The following COL26A1 variants were observed in gnomAD, a reference collection of about 807,000 sequenced individuals.
The protein encoded by COL26A1 is collagen type XXVI alpha 1 chain, also known as collagen alpha-1(XXVI) chain.
A neutral mutation model predicts 59.3 loss-of-function variants in COL26A1; 41 were observed. The ratio of observed to expected loss-of-function variants is 0.69; its 90% CI spans 0.54 to 0.90. COL26A1 has a LOEUF of 0.90. Ranked by LOEUF, COL26A1 falls within the 40% of genes least tolerant of loss-of-function variation. COL26A1 has a pLI of 0.00. For missense variants in COL26A1, 612 were observed against 602.3 expected, an observed-to-expected ratio of 1.02 and a Z score of -0.17; for synonymous variants, 266 against 256.0, an observed-to-expected ratio of 1.04 and a Z score of -0.37.
intron 1 of COL26A1, among the ~76,000 whole-genome samples, chr7:101,408,625 T>C (rs1792180054): frequency 6.6e-6 from 1 of 152,208 alleles, no homozygotes; most frequent in East Asian, 1.9e-4. Context: ...TGGCCTTTGA[T>C]TTGTAGAGGC....
chr7:101,515,287 A>ATT (rs34397132), intron 3 of COL26A1, among the ~76,000 whole-genome samples: 18,744 of 149,846 alleles, frequency 0.13, 1,219 homozygotes, highest in Middle Eastern at 0.17. Context: ...ATAAATATTT[A>ATT]TTTTTTTTTT....
chr7:101,366,760 C>T (rs891711664), intron 1 of COL26A1, among the ~76,000 whole-genome samples: 1 of 151,988 alleles, frequency 6.6e-6, no homozygotes, highest in Non-Finnish European at 1.5e-5. Flanking sequence ...TTTGGCCTCC[C>T]GAAGTGTTGG....
intron 2 of COL26A1, among the ~76,000 whole-genome samples, chr7:101,438,097 C>T (rs541258586): frequency 2.0e-5 from 3 of 151,548 alleles, no homozygotes; most frequent in Admixed American, 6.6e-5. Context: ...CGAGGTGGCT[C>T]ATGCCTGTAA....
At chr7:101,447,644 G>T (rs760441457) in intron 2 of COL26A1, 40 bp from the exon 3 acceptor site, 2 of 1,339,814 alleles carry the variant, frequency 1.5e-6, no homozygotes, top group Non-Finnish European at 2.1e-6. Context: ...GAGGTGGGTG[G>T]GTGGGAGCTC....
chr7:101,370,163 A>G (rs1791156803), intron 1 of COL26A1, among the ~76,000 whole-genome samples: 1 of 151,066 alleles, frequency 6.6e-6, no homozygotes, highest in Admixed American at 6.6e-5. Context: ...GCCTGGCCTG[A>G]AGAGGACATT....
intron 5 of COL26A1, 62 bp from the exon 6 acceptor site, chr7:101,543,936 C>G: frequency 7.9e-7 from 1 of 1,269,596 alleles, no homozygotes; most frequent in South Asian, 1.3e-5. Context: ...GGGGCCAGGC[C>G]TGGAGCCACT....
At chr7:101,537,470 G>A (rs545752189) in intron 4 of COL26A1, among the ~76,000 whole-genome samples, 3 of 152,290 alleles carry the variant, frequency 2.0e-5, no homozygotes, top group South Asian at 2.1e-4. Context: ...TTGGCCCCAC[G>A]CCCATGGCTG....
At chr7:101,381,650 C>T (rs777965174) in intron 1 of COL26A1, among the ~76,000 whole-genome samples, 21 of 152,096 alleles carry the variant, frequency 1.4e-4, no homozygotes, top group Non-Finnish European at 2.9e-4. Context: ...TTTTACAATC[C>T]GTATAATCTA....
chr7:101,416,483 C>G lies in COL26A1; in HGVS notation c.159-3494C>G. ...CTTGTAAATTTTCTTGTTATTTCTT[C>G]AAGTACATGCTTCTCTTTGTTCTTT... On this transcript the variant is annotated intron_variant, in intron 1 of 12. Coordinates refer to ENST00000313669, the MANE Select transcript of COL26A1 (RefSeq NM_001278563.3). Among the ~76,000 whole-genome samples, 2 of 143,676 alleles carry G rather than the reference C, an allele frequency of 1.4e-5. 1 individual carries two copies. Among genetic ancestry groups the G allele is most frequent in the Non-Finnish European group, 3.2e-5 (2 of 63,412 alleles). 94.3% of individuals were successfully genotyped at this position (143,676 alleles called of 152,430 possible).
chr7:101,450,969 T>G (rs902041963), intron 3 of COL26A1, among the ~76,000 whole-genome samples: 1 of 129,042 alleles, frequency 7.7e-6, no homozygotes, highest in African/African-American at 2.9e-5. Flanking sequence ...ATAATAAATA[T>G]TATCAAATAA....
intron 3 of COL26A1, among the ~76,000 whole-genome samples, chr7:101,451,587 A>G (rs1055342669): frequency 5.3e-5 from 8 of 150,576 alleles, no homozygotes; most frequent in East Asian, 1.9e-4. Context: ...CGTAAAGTAT[A>G]TAATTTATAT....
chr7:101,517,916 C>T (rs1349543949), intron 3 of COL26A1, among the ~76,000 whole-genome samples: 3 of 147,746 alleles, frequency 2.0e-5, no homozygotes, highest in East Asian at 2.0e-4. Flanking sequence ...TGGACTCAAG[C>T]GATCCTCCCA....
chr7:101,438,032 A>G (rs1440710925), intron 2 of COL26A1, among the ~76,000 whole-genome samples: 3 of 151,604 alleles, frequency 2.0e-5, no homozygotes, highest in African/African-American at 7.3e-5. Flanking sequence ...GATTGAAGAA[A>G]AGCTAGGAGA....
At position 101,410,908 on chromosome 7, in the gene COL26A1, G is replaced by A. The variant is rs573757084; in HGVS notation, c.159-9069G>A. ...TTTTGTAGAGCTGGGGTCTTGCTAC[G>A]TTGCCCAGGCTGGGCAAACCTTAGT... On this transcript the variant is annotated intron_variant, in intron 1 of 12. Transcript: ENST00000313669. Among the ~76,000 whole-genome samples, 439 of 152,162 alleles carry A rather than the reference G, an allele frequency of 2.9e-3. 2 individuals carry two copies. Among genetic ancestry groups the A allele is most frequent in the African/African-American group, 9.3e-3 (388 of 41,512 alleles).
At position 101,434,037 on chromosome 7, in the gene COL26A1, TTCCCTTCCC is replaced by T. The variant is rs1316000217; in HGVS notation, c.282-13641_282-13633del. Among the ~76,000 whole-genome samples the T allele has an allele frequency of 6.2e-3, 701 of 113,560 alleles. 42 individuals carry two copies. Among genetic ancestry groups the T allele is most frequent in the African/African-American group, 0.029 (633 of 21,740 alleles). 74.5% of individuals were successfully genotyped at this position (113,560 alleles called of 152,430 possible). A position where few individuals can be genotyped will look rare whatever the true frequency, so the allele number is the denominator to read the frequency against. On this transcript the variant is annotated intron_variant, in intron 2 of 12. Transcript: ENST00000313669. ...ATTTTCCCATCTGGTGATTACTCCCTTCCCTTCCCTCCCTCCCTCCCTCCCTCCCTCCCT... is the reference window on the plus strand; with the variant it reads ...ATTTTCCCATCTGGTGATTACTCCCTTCCCTCCCTCCCTCCCTCCCTCCCT...
intron 2 of COL26A1, among the ~76,000 whole-genome samples, chr7:101,428,756 G>T (rs1025884637): frequency 6.6e-5 from 10 of 151,628 alleles, no homozygotes; most frequent in Middle Eastern, 6.8e-3. Flanking sequence ...CTCCTGCCTC[G>T]CTCGGCCTCT....
Position 101,464,637 on chromosome 7 carries a change from C to G in COL26A1, c.385+16850C>G, listed in dbSNP as rs571627842. Among the ~76,000 whole-genome samples the G allele has an allele frequency of 3.7e-3, 559 of 152,234 alleles. 5 individuals carry two copies. Among genetic ancestry groups the G allele is most frequent in the African/African-American group, 0.012 (515 of 41,532 alleles). ...TGTTGGTCAGGCTGGTCTTGAACTC[C>G]TGACCTCAGGTGATCCACCCACCTT... On this transcript the variant is annotated intron_variant, in intron 3 of 12. Transcript: ENST00000313669.
At chr7:101,488,612 G>A (rs759807059) in intron 3 of COL26A1, among the ~76,000 whole-genome samples, 2 of 151,864 alleles carry the variant, frequency 1.3e-5, no homozygotes, top group African/African-American at 2.4e-5. Flanking sequence ...CTGACCTCAG[G>A]TGATCCTCCC....
At chr7:101,521,025 A>G (rs1795132287) in intron 3 of COL26A1, among the ~76,000 whole-genome samples, 1 of 152,220 alleles carries the variant, frequency 6.6e-6, no homozygotes, top group Admixed American at 6.5e-5. Flanking sequence ...AAGAGGCCCA[A>G]CTGACTCACA....
Sources: allele counts gnomAD v4.1 joint callset (sites outside exome capture counted in the v4.1 genomes callset), GRCh38; gene constraint gnomAD v4.1.1; transcripts MANE v1.5; gene names NCBI Gene and HGNC (gene_info 2026-07-23, HGNC 2026-07-21).